SORCS2: variants seen among roughly 807,000 people sequenced by gnomAD.
The protein encoded by SORCS2 is VPS10 domain-containing receptor SorCS2.
In SORCS2, 100 loss-of-function variants were observed where a neutral mutation model predicts 141.6. The observed-to-expected ratio is 0.71, with a 90% CI of 0.60 to 0.83. The LOEUF is 0.83. Among genes scored for constraint, SORCS2 ranks in the 40% least tolerant of loss-of-function variants. The pLI is 0.00. For missense variants in SORCS2, 1,646 were observed against 1,560.2 expected, an observed-to-expected ratio of 1.05 and a Z score of -0.93; for synonymous variants, 789 against 676.9, an observed-to-expected ratio of 1.17 and a Z score of -2.57.
At chr4:7,608,553 A>AG (rs925091243) in intron 3 of SORCS2, among the ~76,000 whole-genome samples, 9 of 152,212 alleles carry the variant, frequency 5.9e-5, no homozygotes, top group Admixed American at 2.0e-4. Context: ...ACATGAGGGA[A>AG]GTGGGCATCC....
intron 3 of SORCS2, among the ~76,000 whole-genome samples, chr4:7,551,581 G>A (rs1017002623): frequency 6.6e-6 from 1 of 152,144 alleles, no homozygotes; most frequent in Non-Finnish European, 1.5e-5. Flanking sequence ...GAAGCAAAGA[G>A]CCCACTGGAG....
At chr4:7,198,179 GGTGCGT>G (rs1727275878) in intron 1 of SORCS2, among the ~76,000 whole-genome samples, 1 of 152,190 alleles carries the variant, frequency 6.6e-6, no homozygotes, top group Admixed American at 6.5e-5. Context: ...GCTGGAGAGA[GGTGCGT>G]GGCTGGGCGC....
chr4:7,259,555 C>G (rs966908922), intron 1 of SORCS2, among the ~76,000 whole-genome samples: 5 of 152,190 alleles, frequency 3.3e-5, no homozygotes, highest in African/African-American at 1.2e-4. Context: ...AGGGGTGGCC[C>G]TTGGTGTGGC....
intron 3 of SORCS2, among the ~76,000 whole-genome samples, chr4:7,624,793 T>C (rs1719417146): frequency 6.6e-6 from 1 of 152,274 alleles, no homozygotes; most frequent in South Asian, 2.1e-4. Context: ...AACAGGCTTT[T>C]TAGCATTGTC....
At chr4:7,521,802 A>G (rs1055740842) in intron 2 of SORCS2, among the ~76,000 whole-genome samples, 2 of 152,206 alleles carry the variant, frequency 1.3e-5, no homozygotes, top group African/African-American at 4.8e-5. Flanking sequence ...TGTACCCTCA[A>G]GAGGGGTTCT....
intron 24 of SORCS2, among the ~76,000 whole-genome samples, chr4:7,733,775 C>T (rs375364334): frequency 1.3e-5 from 2 of 152,252 alleles, no homozygotes; most frequent in East Asian, 1.9e-4. Context: ...AGACACCGTG[C>T]CCTTGAAACT....
chr4:7,202,377 A>G (rs1727527506), intron 1 of SORCS2, among the ~76,000 whole-genome samples: 1 of 152,214 alleles, frequency 6.6e-6, no homozygotes, highest in Non-Finnish European at 1.5e-5. Context: ...AATAAAAGGT[A>G]AAACTCCAGT....
intron 2 of SORCS2, among the ~76,000 whole-genome samples, chr4:7,420,024 A>G (rs897331923): frequency 2.6e-5 from 4 of 152,208 alleles, no homozygotes; most frequent in African/African-American, 7.2e-5. Flanking sequence ...ACCAGGGCCT[A>G]AGAGTCCTCC....
At chr4:7,320,314 A>C (rs1432742863) in intron 1 of SORCS2, among the ~76,000 whole-genome samples, 2 of 152,236 alleles carry the variant, frequency 1.3e-5, no homozygotes, top group African/African-American at 4.8e-5. Flanking sequence ...GATAGTGTGA[A>C]TAGCATAGGT....
chr4:7,433,759 G>A (rs61738677), intron 2 of SORCS2: 3 of 1,613,202 alleles, frequency 1.9e-6, no homozygotes, highest in Non-Finnish European at 8.5e-7. Context: ...ATCATGGACT[G>A]CCCGGGCCCG....
intron 3 of SORCS2, among the ~76,000 whole-genome samples, chr4:7,578,976 GC>G (rs1228868430): frequency 6.6e-6 from 1 of 152,130 alleles, no homozygotes; most frequent in African/African-American, 2.4e-5. Flanking sequence ...TTCCCATGAT[GC>G]CCCCTGCACA....
At chr4:7,727,026 G>T (rs1433492553) in intron 21 of SORCS2, 123 bp downstream of exon 21, 23 of 1,204,990 alleles carry the variant, frequency 1.9e-5, no homozygotes, top group Middle Eastern at 2.2e-4. Flanking sequence ...CTGGGGTGGG[G>T]AGGGAGGGGC....
chr4:7,584,589 C>T (rs1716406127), intron 3 of SORCS2, among the ~76,000 whole-genome samples: 1 of 152,192 alleles, frequency 6.6e-6, no homozygotes. Context: ...TGACGAGTCT[C>T]TCTACTACTC....
intron 2 of SORCS2, among the ~76,000 whole-genome samples, chr4:7,496,465 G>GTCCCCCATCCCCCGTCCCCCA (rs1553874598): frequency 1.2e-5 from 1 of 83,666 alleles, no homozygotes; most frequent in African/African-American, 6.2e-5. Context: ...CCCGTCCCCC[G>GTCCCCCATCCCCCGTCCCCCA]TCCCCCGTCC....
chr4:7,675,119 G>GGCAAGAAAAGAAA (rs1723032503), intron 8 of SORCS2, among the ~76,000 whole-genome samples: 1 of 152,212 alleles, frequency 6.6e-6, no homozygotes, highest in Admixed American at 6.5e-5. Context: ...TTGCTGGCTG[G>GGCAAGAAAAGAAA]GCAAGAAAAG....
intron 3 of SORCS2, among the ~76,000 whole-genome samples, chr4:7,600,222 A>C (rs1717566602): frequency 1.3e-5 from 2 of 152,160 alleles, no homozygotes; most frequent in African/African-American, 4.8e-5. Flanking sequence ...AGCTGCTGTC[A>C]CAGCTTACCA....
At chr4:7,609,631 G>A (rs1718278831) in intron 3 of SORCS2, among the ~76,000 whole-genome samples, 1 of 152,260 alleles carries the variant, frequency 6.6e-6, no homozygotes, top group Admixed American at 6.5e-5. Flanking sequence ...CCTAGGGCCT[G>A]GCACATAAAT....
intron 1 of SORCS2, among the ~76,000 whole-genome samples, chr4:7,293,556 C>G (rs1348307591): frequency 6.6e-6 from 1 of 152,188 alleles, no homozygotes; most frequent in Non-Finnish European, 1.5e-5. Flanking sequence ...GATCTTTTCC[C>G]TAGGAGAGAT....
chr4:7,488,012 C>T (rs541697884), intron 2 of SORCS2, among the ~76,000 whole-genome samples: 1 of 152,328 alleles, frequency 6.6e-6, no homozygotes, highest in South Asian at 2.1e-4. Flanking sequence ...TCACCGCCTC[C>T]AGGAGCGTAG....
Sources: gnomAD v4.1 joint callset for allele counts (sites outside exome capture counted in the v4.1 genomes callset) on GRCh38, gnomAD v4.1.1 for gene constraint, MANE v1.5 for transcripts, NCBI Gene and HGNC (gene_info 2026-07-23, HGNC 2026-07-21) for gene names.